Variants in SV2C observed in about 807,000 individuals in gnomAD.
SV2C encodes solute carrier family 22 member B3.
Under a neutral mutation model 79.7 loss-of-function variants are expected in SV2C, and 49 were observed. The observed-to-expected ratio is 0.61, with a 90% CI of 0.49 to 0.78. SV2C has a LOEUF of 0.78. Among genes scored for constraint, SV2C ranks in the 30% least tolerant of loss-of-function variants. The pLI is 0.00. For synonymous variants in SV2C, 334 were observed against 333.2 expected (o/e 1.00, Z -0.03); for missense variants, 833 against 912.9 (o/e 0.91, Z 1.13).
At chr5:75,856,043 G>A in the SV2C span, among the ~76,000 whole-genome samples, 2 of 152,088 alleles carry the variant, frequency 1.3e-5, no homozygotes, top group Non-Finnish European at 2.9e-5. Flanking sequence ...GAACGTGTAA[G>A]TTTATCTTCC....
intron 4 of SV2C, chr5:76,241,882 T>A (rs1579978759): frequency 3.3e-6 from 2 of 603,832 alleles, no homozygotes; most frequent in East Asian, 2.8e-5. Context: ...AACAATGAAG[T>A]GTTCTATGTG....
rs146415005 is a variant in SV2C at position 76,132,055 on chromosome 5, C to G, written c.305C>G (p.Ala102Gly). 7 of 1,610,918 alleles carry G rather than the reference C, an allele frequency of 4.3e-6. No homozygotes were observed. Among genetic ancestry groups the G allele is most frequent in the Admixed American group, 3.3e-5 (2 of 59,826 alleles). Residue 102 changes from alanine to glycine, a missense_variant, in exon 2 of 13, where the codon GCG becomes GGG. Transcript: ENST00000502798. ...EYQGIPSMNQAKDSIVSVGQP... is the reference protein window; with the variant it reads ...EYQGIPSMNQGKDSIVSVGQP... ...CAGGGCATCCCCAGTATGAACCAAG[C>G]GAAGGACAGCATCGTGTCAGTGGGG...
At chr5:76,135,975 C>T (rs1025711811) in intron 2 of SV2C, among the ~76,000 whole-genome samples, 1 of 152,214 alleles carries the variant, frequency 6.6e-6, no homozygotes, top group Non-Finnish European at 1.5e-5. Context: ...GCCTCCCACT[C>T]ACTGGCTTAT....
chr5:75,901,189 C>T, the SV2C span, among the ~76,000 whole-genome samples: 29 of 152,280 alleles, frequency 1.9e-4, no homozygotes, highest in South Asian at 8.3e-4. Flanking sequence ...AGTTTTTCTG[C>T]TCTGTTTTTT....
the SV2C span, among the ~76,000 whole-genome samples, chr5:76,057,614 G>C: frequency 6.6e-6 from 1 of 152,204 alleles, no homozygotes; most frequent in East Asian, 1.9e-4. Context: ...TGGTTCTGCT[G>C]TTAACTAGAC....
At chr5:76,337,328 G>C (rs2112582481), downstream of SV2C, among the ~76,000 whole-genome samples, 1 of 152,204 alleles carries the variant, frequency 6.6e-6, no homozygotes, top group East Asian at 1.9e-4. Flanking sequence ...AGTCATGCTG[G>C]ATTAGGAGGT....
chr5:75,989,349 C>T, the SV2C span, among the ~76,000 whole-genome samples: 1 of 151,862 alleles, frequency 6.6e-6, no homozygotes. Flanking sequence ...TGTTCTCATC[C>T]TTCAGCTCCC....
chr5:76,122,582 C>T (rs1748551308), intron 1 of SV2C, among the ~76,000 whole-genome samples: 1 of 152,022 alleles, frequency 6.6e-6, no homozygotes, highest in South Asian at 2.1e-4. Flanking sequence ...CTCAAAACTG[C>T]TCAACTACAT....
the SV2C span, among the ~76,000 whole-genome samples, chr5:75,925,379 T>C: frequency 6.6e-6 from 1 of 152,204 alleles, no homozygotes; most frequent in Non-Finnish European, 1.5e-5. Flanking sequence ...GAAATTACTT[T>C]TACGATATTT....
chr5:76,029,309 A>G, the SV2C span, among the ~76,000 whole-genome samples: 3 of 152,336 alleles, frequency 2.0e-5, no homozygotes, highest in South Asian at 6.2e-4. Context: ...ATGTCATACA[A>G]TAGATCTCTT....
At chr5:76,000,904 C>G in the SV2C span, among the ~76,000 whole-genome samples, 1 of 151,860 alleles carries the variant, frequency 6.6e-6, no homozygotes, top group Non-Finnish European at 1.5e-5. Flanking sequence ...GATTTTCATG[C>G]TTAAATAGAG....
At chr5:76,350,039 G>T (rs1749618500) in intron 12 of SV2C, among the ~76,000 whole-genome samples, 1 of 152,166 alleles carries the variant, frequency 6.6e-6, no homozygotes, top group African/African-American at 2.4e-5. Flanking sequence ...CAGATGCTAG[G>T]TTCTGGTTTT....
At chr5:75,941,572 T>G in the SV2C span, among the ~76,000 whole-genome samples, 5 of 152,316 alleles carry the variant, frequency 3.3e-5, no homozygotes, top group Admixed American at 6.5e-5. Context: ...AAATTTAAGG[T>G]AGGTATATGG....
chr5:76,268,048 T>G (rs1746721962), intron 4 of SV2C, among the ~76,000 whole-genome samples: 1 of 152,198 alleles, frequency 6.6e-6, no homozygotes, highest in South Asian at 2.1e-4. Context: ...CTCGTGATTC[T>G]TAGCACACAA....
At position 76,280,223 on chromosome 5, in the gene SV2C, TAGAG is replaced by T. The variant is rs141022315; in HGVS notation, c.914-4929_914-4926del. Among the ~76,000 whole-genome samples the T allele has an allele frequency of 9.2e-5, 14 of 151,526 alleles. No individual in the cohort carries two copies. The South Asian group carries it at 1.7e-3, about 18-fold the overall frequency. On this transcript the variant is annotated intron_variant, in intron 4 of 12. Coordinates refer to ENST00000502798, the MANE Select transcript of SV2C (RefSeq NM_014979.4). ...AGAAATGAGTGGACAACACACCCTT[TAGAG>T]AGAGAGAGACACCACCAGCATGTGT... is the stretch of plus-strand genomic sequence containing the variant.
the SV2C span, among the ~76,000 whole-genome samples, chr5:75,899,294 A>G: frequency 6.6e-6 from 1 of 152,324 alleles, no homozygotes; most frequent in Admixed American, 6.5e-5. Flanking sequence ...GTTTCAAAGA[A>G]CATCTTTATT....
the SV2C span, among the ~76,000 whole-genome samples, chr5:75,984,567 A>ATCTATCTATATCTATCTATC: frequency 8.8e-3 from 904 of 102,854 alleles, 6 homozygotes; most frequent in African/African-American, 0.023. Context: ...CTATCTATCT[A>ATCTATCTATATCTATCTATC]TATCTATCTA....
At chr5:75,973,447 A>T in the SV2C span, among the ~76,000 whole-genome samples, 2 of 151,854 alleles carry the variant, frequency 1.3e-5, no homozygotes, top group East Asian at 3.9e-4. Context: ...GTGAGTTATG[A>T]TCATGCCACT....
the SV2C span, among the ~76,000 whole-genome samples, chr5:76,056,981 GTCTC>G: frequency 6.6e-6 from 1 of 151,890 alleles, no homozygotes; most frequent in Non-Finnish European, 1.5e-5. Flanking sequence ...GGTTTTCTGT[GTCTC>G]TATCTCCTTC....
Sources: allele counts gnomAD v4.1 joint callset (sites outside exome capture counted in the v4.1 genomes callset), GRCh38; gene constraint gnomAD v4.1.1; transcripts MANE v1.5; gene names NCBI Gene and HGNC (gene_info 2026-07-23, HGNC 2026-07-21).